MYO3B: variants seen among roughly 807,000 people sequenced by gnomAD.
MYO3B encodes myosin IIIB.
In MYO3B, 156 loss-of-function variants were observed where a neutral mutation model predicts 174.6. The ratio of observed to expected loss-of-function variants is 0.89; its 90% confidence interval spans 0.78 to 1.02. The LOEUF is 1.02. Among genes scored for constraint, MYO3B ranks in the 50% least tolerant of loss-of-function variants. The pLI, the probability that MYO3B is intolerant of heterozygous loss-of-function variation, is 0.00. For missense variants in MYO3B, 1,632 were observed against 1,639.4 expected (o/e 1.00, Z 0.08); for synonymous variants, 563 against 569.1 (o/e 0.99, Z 0.15).
intron 7 of MYO3B, among the ~76,000 whole-genome samples, chr2:170,292,844 A>G (rs1211885854): frequency 6.6e-6 from 1 of 152,164 alleles, no homozygotes; most frequent in African/African-American, 2.4e-5. Flanking sequence ...AGGAATGAGT[A>G]TGGTAGTCCT....
At chr2:170,435,599 C>T (rs896173477) in intron 22 of MYO3B, among the ~76,000 whole-genome samples, 1 of 152,170 alleles carries the variant, frequency 6.6e-6, no homozygotes, top group East Asian at 1.9e-4. Context: ...AGGTCTACTG[C>T]GATATAACTT....
intron 8 of MYO3B, among the ~76,000 whole-genome samples, chr2:170,357,344 T>TAG (rs2094129769): frequency 6.8e-6 from 1 of 146,578 alleles, no homozygotes; most frequent in Non-Finnish European, 1.5e-5. Context: ...ATATATTATA[T>TAG]ATATATATTT....
At chr2:170,651,561 A>T in intron 32 of MYO3B, 67 bp from the exon 33 acceptor site, 1 of 1,236,924 alleles carries the variant, frequency 8.1e-7, no homozygotes, top group Non-Finnish European at 1.2e-6. Context: ...TTATGTGAAG[A>T]GCCATTTTTC....
chr2:170,540,684 GCAA>G (rs139653410), intron 30 of MYO3B, among the ~76,000 whole-genome samples: 10 of 149,206 alleles, frequency 6.7e-5, no homozygotes, highest in African/African-American at 2.2e-4. Flanking sequence ...CAAAAAAACA[GCAA>G]CAACAACAAC....
At chr2:170,552,243 C>A (rs1690970925) in intron 32 of MYO3B, among the ~76,000 whole-genome samples, 1 of 152,128 alleles carries the variant, frequency 6.6e-6, no homozygotes, top group African/African-American at 2.4e-5. Flanking sequence ...TTGGAGGGAT[C>A]AGAAGACAGG....
intron 30 of MYO3B, among the ~76,000 whole-genome samples, chr2:170,538,374 C>T (rs991050153): frequency 2.6e-5 from 4 of 152,218 alleles, no homozygotes; most frequent in Non-Finnish European, 4.4e-5. Context: ...ACTCAGCTCT[C>T]CCCAAAATCA....
intron 32 of MYO3B, among the ~76,000 whole-genome samples, chr2:170,590,006 G>T (rs1203141452): frequency 6.6e-6 from 1 of 152,166 alleles, no homozygotes; most frequent in East Asian, 1.9e-4. Flanking sequence ...GTACAGGTTT[G>T]TAGCCTAGGA....
chr2:170,314,310 G>T (rs1408320602), intron 7 of MYO3B, among the ~76,000 whole-genome samples: 2 of 152,162 alleles, frequency 1.3e-5, no homozygotes, highest in East Asian at 3.9e-4. Context: ...CAGTTTGCAT[G>T]AATTCACAGA....
In MYO3B at chr2:170,404,305, C is replaced by T. The variant is rs760992992; in HGVS notation, c.2336C>T (p.Pro779Leu). Reference protein sequence around the residue: ...AVPVEYEDNRPLLDMFLQKPL... With the variant: ...AVPVEYEDNRLLLDMFLQKPL... Reference sequence around the variant, plus strand: ...CCCGTGGAATATGAGGACAACCGCCCGCTCTTGGACATGTTCCTCCAGAAA... The same window carrying T: ...CCCGTGGAATATGAGGACAACCGCCTGCTCTTGGACATGTTCCTCCAGAAA... The change falls in exon 20 of 35, where the codon CCG (proline) becomes CTG (leucine). Residue 779 changes from proline to leucine, a missense_variant. Transcript: ENST00000408978. 36 of 1,613,554 alleles carry T rather than the reference C, an allele frequency of 2.2e-5. No individual in the cohort carries two copies. Among genetic ancestry groups the T allele is most frequent in the East Asian group, 6.7e-5 (3 of 44,878 alleles).
At chr2:170,618,449 C>T (rs1444919068) in intron 32 of MYO3B, among the ~76,000 whole-genome samples, 1 of 152,068 alleles carries the variant, frequency 6.6e-6, no homozygotes, top group Non-Finnish European at 1.5e-5. Context: ...GTGGTCTTTT[C>T]TTCTTTTTGA....
At chr2:170,322,126 A>G (rs2105498174) in intron 7 of MYO3B, among the ~76,000 whole-genome samples, 1 of 151,992 alleles carries the variant, frequency 6.6e-6, no homozygotes, top group South Asian at 2.1e-4. Context: ...AAAAAAAAAA[A>G]AAAAAAGAGT....
At chr2:170,192,446 G>A (rs984595275) in intron 1 of MYO3B, among the ~76,000 whole-genome samples, 1 of 148,906 alleles carries the variant, frequency 6.7e-6, no homozygotes, top group African/African-American at 2.5e-5. Context: ...ATTTTTATTT[G>A]TGTTTTCCTC....
chr2:170,634,258 A>C (rs1227831210), intron 32 of MYO3B, among the ~76,000 whole-genome samples: 1 of 152,200 alleles, frequency 6.6e-6, no homozygotes, highest in Non-Finnish European at 1.5e-5. Flanking sequence ...TGGTACTGGT[A>C]CCAAAACAGA....
In MYO3B at chr2:170,466,673, C is replaced by A; in HGVS notation, c.2976C>A (p.Gly992=). The change falls in exon 25 of 35, where the codon GGC becomes GGA. Residue 992 remains glycine (G), a synonymous_variant. Transcript: ENST00000408978. ...AGACAGTCAGCATCCGCCGCCAGGG[C>A]TATTCCCACCGCATCCTTTTTGAAG... ...ILETVSIRRQ[G]YSHRILFEEF... 6.2e-7 allele frequency: 1 copy of A among 1,614,166 alleles called. No individual in the cohort carries two copies. The highest frequency in any genetic ancestry group is 2.2e-5 in the East Asian group (1 of 44,890).
chr2:170,653,071 C>T lies in MYO3B; in HGVS notation c.3976C>T (p.Pro1326Ser). Reference protein sequence around the residue: ...CIPEENNSAHPSFFSSSSKGD... With the variant: ...CIPEENNSAHSSFFSSSSKGD... Reference sequence around the variant, plus strand: ...CCCTGAGGAGAACAACTCAGCCCACCCTTCCTTTTTTTCTTCATCCTCAAA... The same window carrying T: ...CCCTGAGGAGAACAACTCAGCCCACTCTTCCTTTTTTTCTTCATCCTCAAA... The change falls in exon 35 of 35, where the codon CCT becomes TCT. Residue 1326 changes from proline to serine, a missense_variant. Coordinates refer to ENST00000408978, the MANE Select transcript of MYO3B (RefSeq NM_138995.5). The T allele has an allele frequency of 6.2e-7, 1 of 1,614,132 alleles. No individual in the cohort carries two copies. The highest frequency in any genetic ancestry group is 8.5e-7 in the Non-Finnish European group (1 of 1,180,024).
At chr2:170,431,660 G>A (rs1262512567) in intron 22 of MYO3B, among the ~76,000 whole-genome samples, 1 of 152,166 alleles carries the variant, frequency 6.6e-6, no homozygotes, top group African/African-American at 2.4e-5. Flanking sequence ...ACAGTAATAG[G>A]GAAGGGATTT....
At chr2:170,354,754 A>G (rs890162958) in intron 8 of MYO3B, among the ~76,000 whole-genome samples, 1 of 152,032 alleles carries the variant, frequency 6.6e-6, no homozygotes, top group Non-Finnish European at 1.5e-5. Context: ...TTCAGAAAGG[A>G]TTAGGGTCTC....
intron 5 of MYO3B, 137 bp downstream of exon 5, chr2:170,214,965 G>C (rs1225435174): frequency 4.6e-6 from 3 of 649,466 alleles, no homozygotes; most frequent in Non-Finnish European, 8.2e-6. Flanking sequence ...ACAAGCTGGA[G>C]GGGGTGGGGG....
intron 9 of MYO3B, among the ~76,000 whole-genome samples, chr2:170,371,887 G>C (rs2094248635): frequency 6.6e-6 from 1 of 151,730 alleles, no homozygotes; most frequent in Non-Finnish European, 1.5e-5. Flanking sequence ...AGGATCACTT[G>C]AGCCCAGGAG....
Sources: allele counts gnomAD v4.1 joint callset (sites outside exome capture counted in the v4.1 genomes callset), GRCh38; gene constraint gnomAD v4.1.1; transcripts MANE v1.5; gene names NCBI Gene and HGNC (gene_info 2026-07-23, HGNC 2026-07-21).